Variants in CACNG4 observed in about 807,000 individuals in gnomAD.
The protein encoded by CACNG4 is calcium voltage-gated channel auxiliary subunit gamma 4, also known as voltage-dependent calcium channel gamma-4 subunit.
In CACNG4, 8 loss-of-function variants were observed where a neutral mutation model predicts 22.9. That is an observed-to-expected ratio of 0.35 (90% CI 0.21 to 0.63). The LOEUF is 0.63. Ranked by LOEUF, CACNG4 falls within the 30% of genes least tolerant of loss-of-function variation. CACNG4 has a pLI of 0.72. For missense variants in CACNG4, 357 were observed against 455.4 expected, an observed-to-expected ratio of 0.78 and a Z score of 1.97; for synonymous variants, 188 against 191.9, an observed-to-expected ratio of 0.98 and a Z score of 0.17.
chr17:67,030,392 C>A lies in CACNG4; in HGVS notation c.446-74C>A. 1 of 1,306,514 alleles carries A rather than the reference C, an allele frequency of 7.7e-7. No individual in the cohort carries two copies. Among genetic ancestry groups the A allele is most frequent in the Non-Finnish European group, 1.1e-6 (1 of 921,224 alleles). 80.9% of individuals were successfully genotyped at this position (1,306,514 alleles called of 1,614,324 possible). On this transcript the variant is annotated intron_variant, in intron 3 of 3. Transcript: ENST00000262138. The surrounding 1 kb of genome is among the most constrained non-coding windows in gnomAD (Gnocchi z 6.4). ...AGTGTCCACCTGTTCCCTACACTGCCCGTCCCACTGTGGGTCTAACCTCTG... is the reference window on the plus strand; with the variant it reads ...AGTGTCCACCTGTTCCCTACACTGCACGTCCCACTGTGGGTCTAACCTCTG...
At chr17:66,974,567 C>T (rs1256116128) in intron 1 of CACNG4, among the ~76,000 whole-genome samples, 2 of 152,088 alleles carry the variant, frequency 1.3e-5, no homozygotes, top group Non-Finnish European at 2.9e-5. Flanking sequence ...GGAAAGGTGC[C>T]CAGCACATAT....
chr17:66,986,307 G>A (rs1390849730), intron 1 of CACNG4, among the ~76,000 whole-genome samples: 1 of 152,242 alleles, frequency 6.6e-6, no homozygotes, highest in Admixed American at 6.5e-5. Flanking sequence ...CAGAGCTGAT[G>A]TGTGTCTGGA....
At chr17:66,993,843 A>C (rs2143312739) in intron 1 of CACNG4, among the ~76,000 whole-genome samples, 1 of 151,280 alleles carries the variant, frequency 6.6e-6, no homozygotes, top group South Asian at 2.1e-4. Flanking sequence ...CTGGTCTCAA[A>C]CTCCTGACCT....
Position 67,031,072 on chromosome 17 carries a change from T to G in CACNG4, c.*68T>G. ...GCTCTTTTTGTCACACAGGATGGCATGTGATCCTCAAGACGACGAACAATG... is the reference window on the plus strand; with the variant it reads ...GCTCTTTTTGTCACACAGGATGGCAGGTGATCCTCAAGACGACGAACAATG... On this transcript the variant is annotated 3_prime_UTR_variant, in exon 4 of 4. Transcript: ENST00000262138. This position sits in a 1 kb window ranked among gnomAD's most constrained non-coding sequence, Gnocchi z 4.0. 1 of 1,505,818 alleles carries G rather than the reference T, an allele frequency of 6.6e-7. No homozygotes were observed. 93.3% of individuals were successfully genotyped at this position (1,505,818 alleles called of 1,614,324 possible).
chr17:67,007,049 C>T (rs2035442046), intron 1 of CACNG4, among the ~76,000 whole-genome samples: 1 of 152,138 alleles, frequency 6.6e-6, no homozygotes, highest in African/African-American at 2.4e-5. Flanking sequence ...GTGGCCGGTG[C>T]CTATAGTCCC....
chr17:67,031,369 G>T lies in CACNG4; in HGVS notation c.*365G>T, dbSNP rs764167065. ...TGGAAACGAATCTTGCCAGAAAAAC[G>T]GGATTTCAGGGCCTTCCCTCCCTGC... On this transcript the variant is annotated 3_prime_UTR_variant, in exon 4 of 4. Coordinates refer to ENST00000262138, the MANE Select transcript of CACNG4 (RefSeq NM_014405.4). The surrounding 1 kb of genome is among the most constrained non-coding windows in gnomAD (Gnocchi z 4.0). The T allele has an allele frequency of 2.1e-6, 1 of 477,312 alleles. No homozygotes were observed. The highest frequency in any genetic ancestry group is 1.5e-5 in the South Asian group (1 of 64,734). The allele number at this position is 477,312 out of a possible 1,614,324, so 29.6% of individuals were successfully genotyped here.
chr17:67,011,655 G>GAA lies in CACNG4; in HGVS notation c.221-6534_221-6533insAA, dbSNP rs545105701. Among the ~76,000 whole-genome samples the GAA allele has an allele frequency of 6.0e-3, 724 of 120,198 alleles. 7 individuals are homozygous for GAA. Among genetic ancestry groups the GAA allele is most frequent in the African/African-American group, 0.03 (692 of 23,230 alleles). 78.9% of individuals were successfully genotyped at this position (120,198 alleles called of 152,430 possible). On this transcript the variant is annotated intron_variant, in intron 1 of 3. Transcript: ENST00000262138. ...AATGAATGAATGAATGAATGAATGA[G>GAA]TGAGATGAGTAAACAGTGACAATAC... is the stretch of plus-strand genomic sequence containing the variant.
chr17:66,978,283 C>T (rs1014833291), intron 1 of CACNG4, among the ~76,000 whole-genome samples: 1 of 152,098 alleles, frequency 6.6e-6, no homozygotes, highest in Non-Finnish European at 1.5e-5. Flanking sequence ...TGGCAGGAGT[C>T]GCGATAAAGT....
intron 1 of CACNG4, among the ~76,000 whole-genome samples, chr17:67,000,864 C>T (rs866255090): frequency 6.6e-6 from 1 of 152,142 alleles, no homozygotes; most frequent in Non-Finnish European, 1.5e-5. Flanking sequence ...TCTGACTGGC[C>T]TCCCTGCCTC....
In CACNG4 at chr17:67,031,485, G is replaced by A. The variant is rs923748150; in HGVS notation, c.*481G>A. The A allele has an allele frequency of 4.8e-5, 22 of 457,872 alleles. No individual in the cohort carries two copies. Among genetic ancestry groups the A allele is most frequent in the East Asian group, 2.1e-4 (3 of 14,398 alleles). 28.4% of individuals were successfully genotyped at this position (457,872 alleles called of 1,614,324 possible). A position where few individuals can be genotyped will look rare whatever the true frequency, so the allele number is the denominator to read the frequency against. ...CTGCTTTTGAACCTGAGGTTCCTGC[G>A]TCGTTGAGCCAGAAATCAGACCACC... On this transcript the variant is annotated 3_prime_UTR_variant, in exon 4 of 4. Transcript: ENST00000262138. This position sits in a 1 kb window ranked among gnomAD's most constrained non-coding sequence, Gnocchi z 4.0.
intron 1 of CACNG4, among the ~76,000 whole-genome samples, chr17:66,999,325 A>G (rs2035393633): frequency 6.6e-6 from 1 of 152,066 alleles, no homozygotes; most frequent in African/African-American, 2.4e-5. Flanking sequence ...GCATGGGAAT[A>G]GCTCCCTGAC....
intron 1 of CACNG4, among the ~76,000 whole-genome samples, chr17:66,978,292 GTATC>G (rs1472693011): frequency 6.6e-6 from 1 of 152,204 alleles, no homozygotes; most frequent in Non-Finnish European, 1.5e-5. Flanking sequence ...TCGCGATAAA[GTATC>G]TAAGTGCTTG....
At chr17:67,025,682 G>A (rs1049955688) in intron 3 of CACNG4, among the ~76,000 whole-genome samples, 1 of 152,268 alleles carries the variant, frequency 6.6e-6, no homozygotes, top group Non-Finnish European at 1.5e-5. Flanking sequence ...ACAGAGCTGT[G>A]GGTGACAGTG....
intron 1 of CACNG4, among the ~76,000 whole-genome samples, chr17:66,998,124 A>G (rs1386601305): frequency 6.6e-6 from 1 of 152,180 alleles, no homozygotes; most frequent in African/African-American, 2.4e-5. Flanking sequence ...ATAGAGTGGC[A>G]TTGGAGGAAG....
intron 2 of CACNG4, among the ~76,000 whole-genome samples, chr17:67,019,573 A>G (rs532735384): frequency 6.6e-6 from 1 of 152,308 alleles, no homozygotes; most frequent in East Asian, 1.9e-4. Context: ...TGCTCAGCCT[A>G]GCTGGGATGG....
At chr17:67,020,412 G>T (rs1336532873) in intron 2 of CACNG4, 2 of 152,292 alleles carry the variant, frequency 1.3e-5, no homozygotes, top group African/African-American at 4.8e-5. Context: ...ATTGGGGAAG[G>T]CCATGTTCTC....
At chr17:67,017,315 G>A (rs1163118507) in intron 1 of CACNG4, among the ~76,000 whole-genome samples, 1 of 152,100 alleles carries the variant, frequency 6.6e-6, no homozygotes, top group South Asian at 2.1e-4. Flanking sequence ...GGGCTTAAGC[G>A]ATCCGCCCTC....
chr17:67,006,148 C>A (rs1192981355), intron 1 of CACNG4, among the ~76,000 whole-genome samples: 1 of 152,300 alleles, frequency 6.6e-6, no homozygotes, highest in African/African-American at 2.4e-5. Flanking sequence ...GCTTGTTCCT[C>A]GTGGGTGAGC....
In CACNG4 at chr17:67,026,169, TTGTG is replaced by T. The variant is rs918393236; in HGVS notation, c.445+1174_445+1177del. ...TGTGTGTGTGAGGAGTGTGGTGTGT[TTGTG>T]TGTGAGGAGTGTGGTGTGTGTGTTT... On this transcript the variant is annotated intron_variant, in intron 3 of 3. Coordinates refer to ENST00000262138, the MANE Select transcript of CACNG4 (RefSeq NM_014405.4). Among the ~76,000 whole-genome samples the T allele has an allele frequency of 1.7e-3, 220 of 126,842 alleles. No individual in the cohort carries two copies. In the Middle Eastern group the frequency reaches 0.024, roughly 14 times the overall value. The allele number at this position is 126,842 out of a possible 152,430, so 83.2% of individuals were successfully genotyped here.
Sources: gnomAD v4.1 joint callset for allele counts (sites outside exome capture counted in the v4.1 genomes callset) on GRCh38, gnomAD v4.1.1 for gene constraint, Gnocchi (gnomAD v3.1) non-coding constraint, MANE v1.5 for transcripts, NCBI Gene and HGNC (gene_info 2026-07-23, HGNC 2026-07-21) for gene names.